Variants in ABLIM1 observed in about 807,000 individuals in gnomAD.
ABLIM1 encodes the protein actin-binding LIM protein 1.
ABLIM1 carries 40 observed loss-of-function variants against 107.0 expected under a neutral mutation model. That is an observed-to-expected ratio of 0.37 (90% CI 0.29 to 0.49). ABLIM1 has a LOEUF of 0.49. Among genes scored for constraint, ABLIM1 ranks in the 20% least tolerant of loss-of-function variants. ABLIM1 has a pLI of 0.97. For synonymous variants in ABLIM1, 357 were observed against 357.3 expected (o/e 1.00, Z 0.01); for missense variants, 857 against 1,008.5 (o/e 0.85, Z 2.04).
chr10:114,603,208 C>A (rs1438454607), intron 1 of ABLIM1, among the ~76,000 whole-genome samples: 1 of 152,170 alleles, frequency 6.6e-6, no homozygotes, highest in African/African-American at 2.4e-5. Flanking sequence ...TTAGAAAACA[C>A]CTTACAACAA....
chr10:114,613,562 A>T, intron 1 of ABLIM1: 1 of 713,186 alleles, frequency 1.4e-6, no homozygotes, highest in Non-Finnish European at 2.1e-6. Flanking sequence ...CTTTTCATTC[A>T]AGTGCTTATA....
chr10:114,571,275 A>T, intron 4 of ABLIM1, 22 bp downstream of exon 4: 3 of 1,610,148 alleles, frequency 1.9e-6, no homozygotes, highest in Non-Finnish European at 2.6e-6. Context: ...TATTCACGTC[A>T]GTGGGTCACC....
At chr10:114,636,441 C>G (rs1363044494) in intron 1 of ABLIM1, among the ~76,000 whole-genome samples, 3 of 152,216 alleles carry the variant, frequency 2.0e-5, no homozygotes, top group Non-Finnish European at 4.4e-5. Flanking sequence ...ACAGCATGAT[C>G]TGTTTCCAAC....
intron 1 of ABLIM1, among the ~76,000 whole-genome samples, chr10:114,755,835 A>G (rs964222656): frequency 1.2e-4 from 18 of 152,338 alleles, no homozygotes; most frequent in Admixed American, 9.8e-4. Flanking sequence ...AATGCTGAAT[A>G]TGGTATTTTT....
the ABLIM1 span, among the ~76,000 whole-genome samples, chr10:114,800,857 G>A: frequency 2.6e-5 from 4 of 151,924 alleles, no homozygotes; most frequent in Non-Finnish European, 4.4e-5. Context: ...GTAATCAGCC[G>A]AGATCATGCC....
intron 1 of ABLIM1, among the ~76,000 whole-genome samples, chr10:114,623,100 C>G (rs1474174828): frequency 6.6e-6 from 1 of 152,196 alleles, no homozygotes; most frequent in African/African-American, 2.4e-5. Context: ...GCTGAGACTA[C>G]AGGCATGCAT....
chr10:114,724,433 A>G (rs1223894292), intron 1 of ABLIM1, among the ~76,000 whole-genome samples: 2 of 152,078 alleles, frequency 1.3e-5, no homozygotes, highest in African/African-American at 2.4e-5. Flanking sequence ...AATTAGGTAA[A>G]CTCGGCCTCT....
At chr10:114,527,659 CTTTTT>C (rs10639922) in intron 6 of ABLIM1, among the ~76,000 whole-genome samples, 3 of 127,304 alleles carry the variant, frequency 2.4e-5, no homozygotes, top group African/African-American at 3.1e-5. Context: ...CAACTCTTGT[CTTTTT>C]TTTTTTTTTT....
chr10:114,683,027 G>T (rs941557417), intron 1 of ABLIM1, among the ~76,000 whole-genome samples: 2 of 152,184 alleles, frequency 1.3e-5, no homozygotes, highest in African/African-American at 4.8e-5. Flanking sequence ...AGTTGGAAAA[G>T]ACATAGCATC....
At position 114,441,011 on chromosome 10, in the gene ABLIM1, C is replaced by T. The variant is rs777126915; in HGVS notation, c.2059+6G>A. 1 of 1,584,772 alleles carries T rather than the reference C, an allele frequency of 6.3e-7. No individual in the cohort carries two copies. Among genetic ancestry groups the T allele is most frequent in the South Asian group, 1.2e-5 (1 of 86,676 alleles). Reference sequence around the variant, plus strand: ...GCCATGCTCAGCCTGGCCATGGGAGCCTCACCTCGCACTCCCCCGCTGACA... The same window carrying T: ...GCCATGCTCAGCCTGGCCATGGGAGTCTCACCTCGCACTCCCCCGCTGACA... On this transcript the variant is annotated splice_donor_region_variant and intron_variant, in intron 19 of 22. Transcript: ENST00000533213.
At chr10:114,549,862 A>C in intron 4 of ABLIM1, among the ~76,000 whole-genome samples, 1 of 152,210 alleles carries the variant, frequency 6.6e-6, no homozygotes, top group East Asian at 1.9e-4. Context: ...ATAGAACAGT[A>C]AGCATAGCAT....
intron 4 of ABLIM1, among the ~76,000 whole-genome samples, chr10:114,549,936 T>C (rs1047690752): frequency 6.6e-6 from 1 of 152,216 alleles, no homozygotes; most frequent in African/African-American, 2.4e-5. Flanking sequence ...GAATAGAACA[T>C]TTCTGGGGGA....
At chr10:114,631,793 A>T in intron 1 of ABLIM1, 1 of 1,174,968 alleles carries the variant, frequency 8.5e-7, no homozygotes, top group African/African-American at 1.6e-5. Context: ...TCTCACACCG[A>T]GAACATGTCC....
chr10:114,635,628 G>A (rs34811081), intron 1 of ABLIM1, among the ~76,000 whole-genome samples: 13,094 of 152,226 alleles, frequency 0.086, 576 homozygotes, highest in Middle Eastern at 0.12. Flanking sequence ...GGTTTCAAGC[G>A]GTTCTCCTGC....
intron 12 of ABLIM1, among the ~76,000 whole-genome samples, chr10:114,459,181 G>T (rs558060474): frequency 7.9e-5 from 12 of 152,328 alleles, no homozygotes; most frequent in African/African-American, 2.9e-4. Context: ...GGCAAAGGGC[G>T]CCCCCTGCCT....
intron 15 of ABLIM1, among the ~76,000 whole-genome samples, chr10:114,446,047 C>T (rs1414918804): frequency 2.6e-5 from 4 of 152,246 alleles, no homozygotes; most frequent in African/African-American, 4.8e-5. Flanking sequence ...GCTGGGATTA[C>T]AGGCGTGAGC....
intron 1 of ABLIM1, among the ~76,000 whole-genome samples, chr10:114,767,388 T>C (rs1017719218): frequency 2.6e-5 from 4 of 152,194 alleles, no homozygotes; most frequent in Non-Finnish European, 5.9e-5. Flanking sequence ...CTTTAATATT[T>C]CACTCATACT....
intron 12 of ABLIM1, among the ~76,000 whole-genome samples, chr10:114,464,990 C>T (rs569195763): frequency 3.8e-4 from 58 of 152,282 alleles, no homozygotes; most frequent in African/African-American, 1.3e-3. Context: ...CCACTAGTAG[C>T]TACAGAGACT....
intron 1 of ABLIM1, among the ~76,000 whole-genome samples, chr10:114,743,146 C>A (rs2082320385): frequency 6.6e-6 from 1 of 152,056 alleles, no homozygotes; most frequent in Non-Finnish European, 1.5e-5. Flanking sequence ...ACGGTTAAAG[C>A]AAATTGCAAC....
Sources: gnomAD v4.1 joint callset for allele counts (sites outside exome capture counted in the v4.1 genomes callset) on GRCh38, gnomAD v4.1.1 for gene constraint, MANE v1.5 for transcripts, NCBI Gene and HGNC (gene_info 2026-07-23, HGNC 2026-07-21) for gene names.